Variants in PAK2 observed in about 807,000 individuals in gnomAD.
PAK2 encodes serine/threonine-protein kinase PAK 2.
Under a neutral mutation model 65.9 loss-of-function variants are expected in PAK2, and 21 were observed. The observed-to-expected ratio is 0.32, with a 90% confidence interval of 0.23 to 0.46. The LOEUF is 0.46. Ranked by LOEUF, PAK2 falls within the 20% of genes least tolerant of loss-of-function variation. PAK2 has a pLI of 1.00. For synonymous variants in PAK2, 204 were observed against 219.7 expected, an observed-to-expected ratio of 0.93 and a Z score of 0.63; for missense variants, 324 against 642.6, an observed-to-expected ratio of 0.50 and a Z score of 5.36.
intron 1 of PAK2, among the ~76,000 whole-genome samples, chr3:196,765,143 CTTTTTT>C (rs58406576): frequency 3.0e-5 from 3 of 98,864 alleles, no homozygotes; most frequent in East Asian, 6.9e-4. Context: ...CGTGCCCGGC[CTTTTTT>C]TTTTTTTTTT....
At chr3:196,781,334 C>T (rs187547525) in intron 1 of PAK2, among the ~76,000 whole-genome samples, 41 of 152,130 alleles carry the variant, frequency 2.7e-4, no homozygotes, top group Non-Finnish European at 4.3e-4. Flanking sequence ...GTATAAGTTA[C>T]GGATCCTCTC....
intron 9 of PAK2, 103 bp downstream of exon 9, chr3:196,812,370 C>T (rs1715856104): frequency 2.6e-6 from 2 of 773,086 alleles, no homozygotes; most frequent in Non-Finnish European, 4.7e-6. Flanking sequence ...TTAAGTTGAG[C>T]CCGTTGTAAG....
chr3:196,780,015 T>C (rs1714656550), intron 1 of PAK2, among the ~76,000 whole-genome samples: 1 of 152,216 alleles, frequency 6.6e-6, no homozygotes, highest in African/African-American at 2.4e-5. Context: ...ACAGGGCCCC[T>C]CTTGTAATGC....
chr3:196,810,688 G>C, intron 8 of PAK2, 35 bp downstream of exon 8: 1 of 1,011,744 alleles, frequency 9.9e-7, no homozygotes, highest in Non-Finnish European at 1.6e-6. Context: ...ATAATATTCA[G>C]TATTCAGTAT....
rs939196604 is a variant in PAK2, at chr3:196,830,326, C to G, written c.*1921C>G. The G allele has an allele frequency of 6.6e-6, 1 of 152,166 alleles. No homozygotes were observed. Among genetic ancestry groups the G allele is most frequent in the African/African-American group, 2.4e-5 (1 of 41,436 alleles). The allele number at this position is 152,166 out of a possible 1,614,324, so 9.4% of individuals were successfully genotyped here. On this transcript the variant is annotated 3_prime_UTR_variant, in exon 15 of 15. Transcript: ENST00000327134. ...TTTTTCTCTGGAATATATTGGCCTTCTACAGCTATTACTGAATTATAGAAA... is the reference window on the plus strand; with the variant it reads ...TTTTTCTCTGGAATATATTGGCCTTGTACAGCTATTACTGAATTATAGAAA...
At chr3:196,811,199 CTCCCTTCCT>C (rs781566958) in intron 8 of PAK2, among the ~76,000 whole-genome samples, 1,031 of 47,586 alleles carry the variant, frequency 0.022, 126 homozygotes, top group South Asian at 0.032. Context: ...GAATTCCTTC[CTCCCTTCCT>C]TCCCTTCCCT....
At chr3:196,759,667 C>T (rs1713898231) in intron 1 of PAK2, among the ~76,000 whole-genome samples, 1 of 151,550 alleles carries the variant, frequency 6.6e-6, no homozygotes, top group South Asian at 2.1e-4. Context: ...GTTGGGACTA[C>T]AGGCACGCAC....
Position 196,749,316 on chromosome 3 carries a change from C to G in PAK2, c.-22+9159C>G, listed in dbSNP as rs146747098. Among the ~76,000 whole-genome samples, 809 of 152,080 alleles carry G rather than the reference C, an allele frequency of 5.3e-3. 10 individuals are homozygous for G. Among genetic ancestry groups the G allele is most frequent in the African/African-American group, 0.018 (752 of 41,474 alleles). On this transcript the variant is annotated intron_variant, in intron 1 of 14. Transcript: ENST00000327134. ...ATTCTGTGTTTCATTTTTTGAGGAA[C>G]TACCGTATTGCTTTCCACAGCGCCT...
At chr3:196,807,994 A>G (rs564437778) in intron 7 of PAK2, 80 bp downstream of exon 7, 11 of 1,374,594 alleles carry the variant, frequency 8.0e-6, no homozygotes, top group South Asian at 5.4e-5. Flanking sequence ...TTTAACTTAC[A>G]CTTTACATTG....
chr3:196,751,718 A>G (rs1253033662), intron 1 of PAK2, among the ~76,000 whole-genome samples: 1 of 104,478 alleles, frequency 9.6e-6, no homozygotes, highest in African/African-American at 4.5e-5. Flanking sequence ...TATAAAAGGC[A>G]TTTATGAAAC....
chr3:196,803,190 CA>C, intron 4 of PAK2, 26 bp downstream of exon 4: 1 of 1,549,720 alleles, frequency 6.5e-7, no homozygotes, highest in East Asian at 2.3e-5. Context: ...AAGGCTGGAT[CA>C]GATGGAGATT....
chr3:196,798,741 G>A (rs1022293591), intron 2 of PAK2, among the ~76,000 whole-genome samples: 43 of 152,158 alleles, frequency 2.8e-4, no homozygotes, highest in African/African-American at 9.7e-4. Flanking sequence ...GTTTAAGTTT[G>A]AAAATCGATG....
rs1022292754 is a variant in PAK2 at position 196,740,165 on chromosome 3, C to CACACAGGCCGGCCGGCGCGGG, written c.-22+11_-22+31dup. 1 of 152,164 alleles carries CACACAGGCCGGCCGGCGCGGG rather than the reference C, an allele frequency of 6.6e-6. No homozygotes were observed. Among genetic ancestry groups the CACACAGGCCGGCCGGCGCGGG allele is most frequent in the Non-Finnish European group, 1.5e-5 (1 of 68,102 alleles). 9.4% of individuals were successfully genotyped at this position (152,164 alleles called of 1,614,324 possible). On this transcript the variant is annotated intron_variant, in intron 1 of 14. Transcript: ENST00000327134. The stretch of plus-strand genomic sequence containing the variant: ...GACCTTGCCTTGCCCGGGGTAAGTG[C>CACACAGGCCGGCCGGCGCGGG]ACACAGGCCGGCCGGCGCGGGACGC...
intron 4 of PAK2, 139 bp from the exon 5 acceptor site, chr3:196,805,213 G>A (rs998772278): frequency 1.4e-5 from 8 of 567,286 alleles, no homozygotes; most frequent in Middle Eastern, 4.7e-4. Context: ...GACTACTTGC[G>A]TGTTCATTTT....
intron 2 of PAK2, chr3:196,785,064 A>G (rs527531879): frequency 6.6e-6 from 1 of 152,392 alleles, no homozygotes; most frequent in South Asian, 2.1e-4. Flanking sequence ...GTATTTTAGT[A>G]TATGTGCTGC....
chr3:196,803,568 A>T (rs1715484623), intron 4 of PAK2, among the ~76,000 whole-genome samples: 1 of 152,328 alleles, frequency 6.6e-6, no homozygotes, highest in Non-Finnish European at 1.5e-5. Flanking sequence ...AGGTTGAACT[A>T]AAAAATGTTT....
At chr3:196,803,436 GT>G (rs1715481237) in intron 4 of PAK2, among the ~76,000 whole-genome samples, 1 of 152,026 alleles carries the variant, frequency 6.6e-6, no homozygotes, top group South Asian at 2.1e-4. Context: ...TCATTGCTGT[GT>G]TTTTGTTTTC....
Position 196,820,435 on chromosome 3 carries a change from G to A in PAK2, c.1218G>A (p.Thr406=), listed in dbSNP as rs537355753. The change falls in exon 13 of 15, where the codon ACG becomes ACA. Residue 406 remains threonine, a synonymous_variant. Coordinates refer to ENST00000327134, the MANE Select transcript of PAK2 (RefSeq NM_002577.4). This position sits in a 1 kb window ranked among gnomAD's most constrained non-coding sequence, Gnocchi z 4.6. ...GCAAACGCAGTACCATGGTCGGAAC[G>A]CCATACTGGATGGCACCAGAGGTGG... The part of the protein sequence containing the change: ...EQSKRSTMVG[T]PYWMAPEVVT... The A allele has an allele frequency of 8.1e-6, 13 of 1,613,018 alleles. No individual in the cohort carries two copies. In the South Asian group the frequency reaches 1.1e-4, roughly 14 times the overall value.
chr3:196,800,797 A>G (rs1240248261), intron 2 of PAK2, among the ~76,000 whole-genome samples: 1 of 152,176 alleles, frequency 6.6e-6, no homozygotes, highest in Non-Finnish European at 1.5e-5. Flanking sequence ...ACTTATATAT[A>G]TATAAAATTA....
Sources: gnomAD v4.1 joint callset for allele counts (sites outside exome capture counted in the v4.1 genomes callset) on GRCh38, gnomAD v4.1.1 for gene constraint, Gnocchi (gnomAD v3.1) non-coding constraint, MANE v1.5 for transcripts, NCBI Gene and HGNC (gene_info 2026-07-23, HGNC 2026-07-21) for gene names.